Variants in RSBN1 observed in about 807,000 individuals in gnomAD.
RSBN1 encodes the protein lysine-specific demethylase 9.
Under a neutral mutation model 74.8 loss-of-function variants are expected in RSBN1, and 23 were observed. The ratio of observed to expected loss-of-function variants is 0.31; its 90% CI spans 0.22 to 0.44. RSBN1 has a LOEUF of 0.44. Ranked by LOEUF, RSBN1 falls within the 20% of genes least tolerant of loss-of-function variation. The pLI is 1.00. For missense variants in RSBN1, 808 were observed against 1,020.9 expected (o/e 0.79, Z 2.84); for synonymous variants, 407 against 379.6 (o/e 1.07, Z -0.84).
Position 113,763,507 on chromosome 1 carries a change from C to A in RSBN1, c.*2473G>T, listed in dbSNP as rs983554844. On this transcript the variant is annotated 3_prime_UTR_variant, in exon 7 of 7. Transcript: ENST00000261441. ...TTTGTATCACTAAACTAGGATACAG[C>A]TTTGAAAGCAGTAAAAAACGCAAAA... The A allele has an allele frequency of 6.5e-6, 1 of 152,696 alleles. No homozygotes were observed. The highest frequency in any genetic ancestry group is 2.1e-4 in the South Asian group (1 of 4,824). The allele number at this position is 152,696 out of a possible 1,614,324, so 9.5% of individuals were successfully genotyped here.
chr1:113,792,790 C>T (rs149334077), intron 2 of RSBN1, among the ~76,000 whole-genome samples: 72 of 151,380 alleles, frequency 4.8e-4, no homozygotes, highest in African/African-American at 1.7e-3. Context: ...CAGAGCGAGA[C>T]CTCATCAAAG....
At chr1:113,776,553 C>T (rs1660029972) in intron 4 of RSBN1, among the ~76,000 whole-genome samples, 1 of 152,096 alleles carries the variant, frequency 6.6e-6, no homozygotes, top group Non-Finnish European at 1.5e-5. Context: ...GGACGGTAAC[C>T]CCAGCACTTT....
chr1:113,771,140 T>C (rs1014704366), intron 4 of RSBN1, among the ~76,000 whole-genome samples: 1 of 151,958 alleles, frequency 6.6e-6, no homozygotes, highest in African/African-American at 2.4e-5. Context: ...AAGAAAAAAA[T>C]AGGATACCTA....
chr1:113,807,551 G>A (rs920072147), intron 1 of RSBN1, among the ~76,000 whole-genome samples: 9 of 151,870 alleles, frequency 5.9e-5, no homozygotes, highest in Non-Finnish European at 1.3e-4. Context: ...CCTGAGGTCA[G>A]GAGTTCGAGA....
intron 4 of RSBN1, among the ~76,000 whole-genome samples, chr1:113,775,396 C>A (rs1463698933): frequency 6.6e-6 from 1 of 151,060 alleles, no homozygotes; most frequent in African/African-American, 2.4e-5. Context: ...GGCTGGAGTG[C>A]AGAAGCACCA....
rs1222939529 is a variant in RSBN1 at position 113,763,708 on chromosome 1, T to C, written c.*2272A>G. On this transcript the variant is annotated 3_prime_UTR_variant, in exon 7 of 7. Transcript: ENST00000261441. ...TTTAAACATTTTTATTGTACTCTTTTAATGTGTTTATATTGGAGGTGAGGG... is the reference window on the plus strand; with the variant it reads ...TTTAAACATTTTTATTGTACTCTTTCAATGTGTTTATATTGGAGGTGAGGG... 1 of 152,614 alleles carries C rather than the reference T, an allele frequency of 6.6e-6. No individual in the cohort carries two copies. The highest frequency in any genetic ancestry group is 1.9e-4 in the East Asian group (1 of 5,300). The allele number at this position is 152,614 out of a possible 1,614,324, so 9.5% of individuals were successfully genotyped here. A position where few individuals can be genotyped will look rare whatever the true frequency, so the allele number is the denominator to read the frequency against.
At chr1:113,788,358 G>C (rs1412394408) in intron 2 of RSBN1, among the ~76,000 whole-genome samples, 1 of 152,106 alleles carries the variant, frequency 6.6e-6, no homozygotes, top group Non-Finnish European at 1.5e-5. Flanking sequence ...AGGGTGGTGG[G>C]GGGTAGGGTT....
chr1:113,808,882 A>T (rs1003703212), intron 1 of RSBN1, among the ~76,000 whole-genome samples: 3 of 152,218 alleles, frequency 2.0e-5, no homozygotes, highest in African/African-American at 4.8e-5. Context: ...TGGTTACACT[A>T]ATCTACATAT....
intron 4 of RSBN1, among the ~76,000 whole-genome samples, chr1:113,771,543 T>C (rs970237545): frequency 2.0e-5 from 3 of 149,364 alleles, no homozygotes; most frequent in Non-Finnish European, 4.5e-5. Context: ...ATGAAAAAAA[T>C]TCTAAAAGGC....
At chr1:113,804,773 T>C (rs2101825986) in intron 1 of RSBN1, among the ~76,000 whole-genome samples, 1 of 152,298 alleles carries the variant, frequency 6.6e-6, no homozygotes, top group East Asian at 1.9e-4. Flanking sequence ...CCAATAATTC[T>C]CCATTGCTAA....
In RSBN1 at chr1:113,812,461, G is replaced by C. The variant is rs757968986; in HGVS notation, c.-49C>G. 3.8e-5 allele frequency: 58 copies of C among 1,517,304 alleles called. 1 individual carries two copies. In the South Asian group the frequency reaches 7.0e-4, roughly 18 times the overall value. The allele number at this position is 1,517,304 out of a possible 1,614,324, so 94.0% of individuals were successfully genotyped here. ...TTTCTCCGCAGGCCTCTCCAACCGA[G>C]CTTCTATTGTAAAGCACCCTATGCC... On this transcript the variant is annotated 5_prime_UTR_variant, in exon 1 of 7. Transcript: ENST00000261441.
intron 1 of RSBN1, among the ~76,000 whole-genome samples, chr1:113,809,718 C>G (rs1345018681): frequency 6.6e-6 from 1 of 152,210 alleles, no homozygotes; most frequent in Non-Finnish European, 1.5e-5. Flanking sequence ...CACTTCTCTT[C>G]TTCACATGTT....
Position 113,812,321 on chromosome 1 carries a change from C to T in RSBN1, c.92G>A (p.Arg31Gln), listed in dbSNP as rs775562537. ...CCCGACCGCCCCCCCGTCCGCGCAT[C>T]GCGCAAGCGCCGCCCGCGCACTGCC... ...PAGSARAALA[R>Q]CADGGAVGPF... Residue 31 changes from arginine to glutamine, a missense_variant, in exon 1 of 7, where the codon CGA (arginine) becomes CAA (glutamine). By Grantham distance (43) the Arg-to-Gln change is conservative. Coordinates refer to ENST00000261441, the MANE Select transcript of RSBN1 (RefSeq NM_018364.5). The T allele has an allele frequency of 6.2e-7, 1 of 1,603,778 alleles. No homozygotes were observed. Among genetic ancestry groups the T allele is most frequent in the South Asian group, 1.1e-5 (1 of 91,038 alleles).
chr1:113,802,806 G>A (rs1660611982), intron 1 of RSBN1, among the ~76,000 whole-genome samples: 1 of 151,952 alleles, frequency 6.6e-6, no homozygotes, highest in African/African-American at 2.4e-5. Flanking sequence ...CCCAGCCAGA[G>A]TGGAATACTT....
chr1:113,806,381 G>T (rs892027497), intron 1 of RSBN1, among the ~76,000 whole-genome samples: 8 of 150,978 alleles, frequency 5.3e-5, no homozygotes, highest in South Asian at 2.1e-4. Flanking sequence ...ACTGATTTTT[G>T]AAAAAAGTGC....
intron 1 of RSBN1, among the ~76,000 whole-genome samples, chr1:113,803,558 G>T (rs12403434): frequency 2.0e-5 from 3 of 152,146 alleles, no homozygotes; most frequent in Admixed American, 2.0e-4. Flanking sequence ...TATAAAATTA[G>T]TGTGCAGAGT....
In RSBN1 at chr1:113,762,831, A is replaced by C. The variant is rs139818522; in HGVS notation, c.*3149T>G. ...AAGACATCTTTTCCTAAAGTTTAGT[A>C]AACAACTTTAATAAGCTCCTTTTTC... On this transcript the variant is annotated 3_prime_UTR_variant, in exon 7 of 7. Coordinates refer to ENST00000261441, the MANE Select transcript of RSBN1 (RefSeq NM_018364.5). The C allele has an allele frequency of 6.5e-6, 1 of 152,756 alleles. No homozygotes were observed. Among genetic ancestry groups the C allele is most frequent in the Non-Finnish European group, 1.5e-5 (1 of 68,012 alleles). The allele number at this position is 152,756 out of a possible 1,614,324, so 9.5% of individuals were successfully genotyped here. A position where few individuals can be genotyped will look rare whatever the true frequency, so the allele number is the denominator to read the frequency against.
intron 1 of RSBN1, among the ~76,000 whole-genome samples, chr1:113,800,702 A>G (rs1287504152): frequency 6.6e-6 from 1 of 152,136 alleles, no homozygotes; most frequent in East Asian, 1.9e-4. Flanking sequence ...CGTTGATTGT[A>G]ACACATTTTC....
intron 1 of RSBN1, among the ~76,000 whole-genome samples, chr1:113,802,715 T>A (rs1245693103): frequency 1.3e-5 from 2 of 151,974 alleles, no homozygotes; most frequent in Non-Finnish European, 2.9e-5. Flanking sequence ...TTTTTTTTTT[T>A]AGAGCAGTTT....
Sources: allele counts gnomAD v4.1 joint callset (sites outside exome capture counted in the v4.1 genomes callset), GRCh38; gene constraint gnomAD v4.1.1; transcripts MANE v1.5; gene names NCBI Gene and HGNC (gene_info 2026-07-23, HGNC 2026-07-21).